The following NPR3 variants were observed in gnomAD, a reference collection of about 807,000 sequenced individuals.
NPR3 encodes atrial natriuretic peptide receptor 3.
In NPR3, 34 loss-of-function variants were observed where a neutral mutation model predicts 54.5. That is an observed-to-expected ratio of 0.62 (90% CI 0.47 to 0.83). The LOEUF (loss-of-function observed/expected upper bound fraction) is 0.83. NPR3 is among the 40% of genes least tolerant of loss of function. The pLI is 0.00. For missense variants in NPR3, 674 were observed against 720.8 expected (o/e 0.94, Z 0.74); for synonymous variants, 289 against 297.1 (o/e 0.97, Z 0.28).
chr5:32,717,123 G>C (rs1311782674), intron 1 of NPR3, among the ~76,000 whole-genome samples: 1 of 151,572 alleles, frequency 6.6e-6, no homozygotes, highest in Non-Finnish European at 1.5e-5. Context: ...CTGTCCTTGC[G>C]ATAGTTTGCT....
intron 1 of NPR3, among the ~76,000 whole-genome samples, chr5:32,694,936 A>C (rs997555801): frequency 6.6e-6 from 1 of 151,918 alleles, no homozygotes; most frequent in Non-Finnish European, 1.5e-5. Context: ...TAGCTCCAAC[A>C]AATAAGTGAG....
intron 1 of NPR3, among the ~76,000 whole-genome samples, chr5:32,691,286 T>C (rs574550229): frequency 6.6e-6 from 1 of 152,366 alleles, no homozygotes; most frequent in Admixed American, 6.5e-5. Flanking sequence ...TTTTGGACAT[T>C]AAGCGAGTAC....
At chr5:32,713,023 C>T in intron 1 of NPR3, 1 of 318,558 alleles carries the variant, frequency 3.1e-6, no homozygotes, top group Non-Finnish European at 4.5e-6. Flanking sequence ...ACTTAGCTCG[C>T]CCGCTCTTGG....
chr5:32,727,568 G>A (rs1739202851), intron 2 of NPR3, among the ~76,000 whole-genome samples: 1 of 152,040 alleles, frequency 6.6e-6, no homozygotes, highest in South Asian at 2.1e-4. Flanking sequence ...ATGTTTATAA[G>A]CAAAGTTTTG....
intron 3 of NPR3, among the ~76,000 whole-genome samples, chr5:32,753,218 A>C (rs1740663773): frequency 6.6e-6 from 1 of 152,182 alleles, no homozygotes; most frequent in Non-Finnish European, 1.5e-5. Context: ...AATTTCAGTT[A>C]GAAAGATGTT....
In NPR3 at chr5:32,789,301, A is replaced by T; in HGVS notation, c.*2956A>T. On this transcript the variant is annotated 3_prime_UTR_variant, in exon 8 of 8. Coordinates refer to ENST00000265074, the MANE Select transcript of NPR3 (RefSeq NM_001204375.2). The stretch of plus-strand genomic sequence containing the variant: ...AGATTTTTGGGTAGGGGGGCCAGGT[A>T]GGGGGAGACTCAGAAATAAAAGCGT... The T allele has an allele frequency of 2.3e-6, 1 of 429,218 alleles. No individual in the cohort carries two copies. The highest frequency in any genetic ancestry group is 4.7e-6 in the Non-Finnish European group (1 of 213,826). 26.6% of individuals were successfully genotyped at this position (429,218 alleles called of 1,614,324 possible). A position where few individuals can be genotyped will look rare whatever the true frequency, so the allele number is the denominator to read the frequency against.
At chr5:32,745,557 C>T (rs570921948) in intron 3 of NPR3, among the ~76,000 whole-genome samples, 13 of 152,158 alleles carry the variant, frequency 8.5e-5, no homozygotes, top group Admixed American at 2.6e-4. Flanking sequence ...CTTTCTTTTT[C>T]CACTACATCA....
rs962115140 is a variant in NPR3, at chr5:32,786,262, C to T, written c.1543C>T (p.Arg515Ter). ...GAAATACAGAATAACCATTGAGAGGCGAACCCAGCAAGAAGAAAGTAACCT... is the reference window on the plus strand; with the variant it reads ...GAAATACAGAATAACCATTGAGAGGTGAACCCAGCAAGAAGAAAGTAACCT... ...RKKYRITIER[R>*]TQQEESNLGK... is the part of the protein sequence containing the mutation. The change falls in exon 8 of 8, where the codon CGA (arginine) becomes TGA (stop). Residue 515 changes from arginine to a stop codon, truncating the protein, a stop_gained. Coordinates refer to ENST00000265074, the MANE Select transcript of NPR3 (RefSeq NM_001204375.2). LOFTEE classifies it high-confidence loss of function. 19 of 1,560,276 alleles carry T rather than the reference C, an allele frequency of 1.2e-5. No individual in the cohort carries two copies. The highest frequency in any genetic ancestry group is 1.7e-5 in the Non-Finnish European group (19 of 1,137,338).
chr5:32,732,530 T>C (rs2111922066), intron 2 of NPR3, among the ~76,000 whole-genome samples: 1 of 152,330 alleles, frequency 6.6e-6, no homozygotes, highest in Non-Finnish European at 1.5e-5. Context: ...TTTAGGAATC[T>C]GTTACTGAGG....
upstream of NPR3, chr5:32,710,926 G>A (rs1738188120): frequency 4.6e-6 from 3 of 657,706 alleles, no homozygotes; most frequent in South Asian, 8.3e-5. Context: ...GTATGTGTGC[G>A]TGCGCGCGCG....
rs1433762939 is a variant in NPR3, at chr5:32,712,343, C to T, written c.567C>T (p.Leu189=). 2.5e-6 allele frequency: 4 copies of T among 1,612,902 alleles called. No individual in the cohort carries two copies. Among genetic ancestry groups the T allele is most frequent in the Non-Finnish European group, 2.5e-6 (3 of 1,179,416 alleles). ...PAYAKMGEMM[L]ALFRHHHWSR... ...ACGCCAAGATGGGCGAGATGATGCT[C>T]GCCCTGTTCCGCCACCACCACTGGA... Residue 189 remains leucine, a synonymous_variant, in exon 1 of 8, where the codon CTC becomes CTT. Coordinates refer to ENST00000265074, the MANE Select transcript of NPR3 (RefSeq NM_001204375.2).
intron 2 of NPR3, among the ~76,000 whole-genome samples, chr5:32,726,695 AG>A (rs1336385215): frequency 6.6e-6 from 1 of 152,228 alleles, no homozygotes; most frequent in Non-Finnish European, 1.5e-5. Context: ...CCACAGATAA[AG>A]CTTTTATTAC....
At chr5:32,713,434 C>T (rs1738372825) in intron 1 of NPR3, 3 of 985,378 alleles carry the variant, frequency 3.0e-6, no homozygotes, top group Non-Finnish European at 3.6e-6. Flanking sequence ...GCCCATTTTA[C>T]GGTAGGGTAG....
At chr5:32,712,651 G>A in intron 1 of NPR3, 106 bp downstream of exon 1, 1 of 1,120,004 alleles carries the variant, frequency 8.9e-7, no homozygotes, top group Non-Finnish European at 1.2e-6. Flanking sequence ...CTGCGGCGCT[G>A]AGGTCGGGTG....
rs1477115226 is a variant in NPR3 at position 32,791,198 on chromosome 5, T to C, written c.*4853T>C. Reference sequence around the variant, plus strand: ...GAAGTAGCCCCTGAACAGCATGGAGTTGCTGTGAGTTTGTTCGTTGCAGAC... The same window carrying C: ...GAAGTAGCCCCTGAACAGCATGGAGCTGCTGTGAGTTTGTTCGTTGCAGAC... On this transcript the variant is annotated 3_prime_UTR_variant, in exon 8 of 8. Coordinates refer to ENST00000265074, the MANE Select transcript of NPR3 (RefSeq NM_001204375.2). 2.4e-5 allele frequency: 4 copies of C among 166,924 alleles called. No individual in the cohort carries two copies. The highest frequency in any genetic ancestry group is 5.9e-5 in the Non-Finnish European group (4 of 68,100). The allele number at this position is 166,924 out of a possible 1,614,324, so 10.3% of individuals were successfully genotyped here.
intron 1 of NPR3, chr5:32,716,637 TTTAG>T (rs1461582199): frequency 2.3e-5 from 6 of 258,514 alleles, no homozygotes; most frequent in African/African-American, 1.1e-4. Context: ...CACAATATTT[TTTAG>T]TTAGTTCAGT....
chr5:32,714,720 T>C (rs1038746143), intron 1 of NPR3, among the ~76,000 whole-genome samples: 2 of 152,216 alleles, frequency 1.3e-5, no homozygotes, highest in Non-Finnish European at 2.9e-5. Context: ...CGAAATTCCT[T>C]ACACTCGAGA....
intron 2 of NPR3, among the ~76,000 whole-genome samples, chr5:32,729,021 T>G (rs1309703504): frequency 3.0e-4 from 30 of 101,390 alleles, no homozygotes; most frequent in African/African-American, 1.4e-3. Flanking sequence ...TGTGTTTTTT[T>G]TTTTTTTTGT....
intron 1 of NPR3, among the ~76,000 whole-genome samples, chr5:32,715,267 CT>C (rs1217871005): frequency 1.3e-5 from 2 of 152,132 alleles, no homozygotes; most frequent in African/African-American, 4.8e-5. Flanking sequence ...AGTATTTTTG[CT>C]TTTGAAAATT....
Sources: gnomAD v4.1 joint callset for allele counts (sites outside exome capture counted in the v4.1 genomes callset) on GRCh38, gnomAD v4.1.1 for gene constraint, MANE v1.5 for transcripts, NCBI Gene and HGNC (gene_info 2026-07-23, HGNC 2026-07-21) for gene names.